PDGFD: variants seen among roughly 807,000 people sequenced by gnomAD.
The protein encoded by PDGFD is platelet derived growth factor D, also known as platelet-derived growth factor D.
In PDGFD, 30 loss-of-function variants were observed where a neutral mutation model predicts 44.7. That is an observed-to-expected ratio of 0.67 (90% confidence interval 0.50 to 0.91). PDGFD has a LOEUF of 0.91. PDGFD is among the 40% of genes least tolerant of loss of function. PDGFD has a pLI of 0.00. For synonymous variants in PDGFD, 173 were observed against 168.4 expected (o/e 1.03, Z -0.21); for missense variants, 445 against 457.8 (o/e 0.97, Z 0.25).
At chr11:104,040,567 T>C (rs1345998537) in intron 1 of PDGFD, among the ~76,000 whole-genome samples, 1 of 152,042 alleles carries the variant, frequency 6.6e-6, no homozygotes, top group African/African-American at 2.4e-5. Flanking sequence ...TCTACATCAA[T>C]CAGGCACTAT....
chr11:104,092,944 T>C (rs2134438433), intron 1 of PDGFD, among the ~76,000 whole-genome samples: 1 of 152,112 alleles, frequency 6.6e-6, no homozygotes, highest in East Asian at 1.9e-4. Flanking sequence ...AGGTCGAAGA[T>C]TTTCCTGTGA....
At chr11:103,930,778 T>C (rs898809780) in intron 5 of PDGFD, among the ~76,000 whole-genome samples, 5 of 152,216 alleles carry the variant, frequency 3.3e-5, no homozygotes, top group African/African-American at 1.2e-4. Flanking sequence ...CACTAACCTG[T>C]CATTTTCACA....
intron 1 of PDGFD, among the ~76,000 whole-genome samples, chr11:104,065,703 A>T (rs1417813361): frequency 6.6e-6 from 1 of 152,184 alleles, no homozygotes; most frequent in Non-Finnish European, 1.5e-5. Context: ...GTCATTTCTA[A>T]TGTTTGTGTA....
chr11:104,056,007 C>T (rs1307703902), intron 1 of PDGFD, among the ~76,000 whole-genome samples: 4 of 152,126 alleles, frequency 2.6e-5, no homozygotes, highest in African/African-American at 9.7e-5. Context: ...ATATTCACCC[C>T]TACCTCAAAG....
chr11:103,999,933 C>T lies in PDGFD; in HGVS notation c.329+118G>A, dbSNP rs1859595076. On this transcript the variant is annotated intron_variant, in intron 2 of 6. Transcript: ENST00000393158. ...GTCTTTAGGCTTTTTGAAAAAGAAG[C>T]GACACATGTTGGGTCCATTTAAAAG... The T allele has an allele frequency of 1.5e-5, 13 of 843,912 alleles. 1 individual carries two copies. The highest frequency in any genetic ancestry group is 7.7e-5 in the Admixed American group (3 of 38,946). 52.3% of individuals were successfully genotyped at this position (843,912 alleles called of 1,614,324 possible). A position where few individuals can be genotyped will look rare whatever the true frequency, so the allele number is the denominator to read the frequency against.
intron 3 of PDGFD, among the ~76,000 whole-genome samples, chr11:103,981,308 A>G (rs1326496119): frequency 4.6e-5 from 7 of 151,566 alleles, no homozygotes; most frequent in Non-Finnish European, 8.8e-5. Flanking sequence ...GACCCTCACC[A>G]TATACTGCCC....
rs757129550 is a variant in PDGFD at position 104,093,747 on chromosome 11, T to C, written c.124+70057A>G. On this transcript the variant is annotated intron_variant, in intron 1 of 6. Transcript: ENST00000393158. ...AACATCTCCAAAACACAGAATGTCA[T>C]GGGCTCCACCCACCTTCTCCTTCTC... 1.7e-3 allele frequency among the ~76,000 whole-genome samples: 255 copies of C among 151,872 alleles called. 2 individuals carry two copies. The highest frequency in any genetic ancestry group is 1.7e-3 in the South Asian group (8 of 4,792).
chr11:104,057,476 GATACTC>G (rs1277791988), intron 1 of PDGFD, among the ~76,000 whole-genome samples: 4 of 125,568 alleles, frequency 3.2e-5, no homozygotes, highest in African/African-American at 1.4e-4. Flanking sequence ...CTAAACACTG[GATACTC>G]ATGGACACAA....
chr11:103,927,833 G>A (rs1231108816), intron 5 of PDGFD, among the ~76,000 whole-genome samples: 2 of 152,212 alleles, frequency 1.3e-5, no homozygotes, highest in South Asian at 4.2e-4. Flanking sequence ...TTATTTAATG[G>A]CTCTGAACTT....
At position 103,907,473 on chromosome 11, in the gene PDGFD, T is replaced by C. The variant is rs1455542243; in HGVS notation, c.*2221A>G. ...ATGGCTATCAAATAGATTTATTGGC[T>C]ACATGTTAGAAGTGCAAAAGATAAC... On this transcript the variant is annotated 3_prime_UTR_variant, in exon 7 of 7. Transcript: ENST00000393158. 1 of 152,228 alleles carries C rather than the reference T, an allele frequency of 6.6e-6. No individual in the cohort carries two copies. The highest frequency in any genetic ancestry group is 6.5e-5 in the Admixed American group (1 of 15,282). 9.4% of individuals were successfully genotyped at this position (152,228 alleles called of 1,614,324 possible).
At chr11:104,094,293 A>T (rs1300658505) in intron 1 of PDGFD, among the ~76,000 whole-genome samples, 1 of 151,590 alleles carries the variant, frequency 6.6e-6, no homozygotes, top group Admixed American at 6.6e-5. Flanking sequence ...CTCTAACTCG[A>T]TCCTCAAAGT....
chr11:104,077,633 G>T lies in PDGFD; in HGVS notation c.125-77378C>A, dbSNP rs114244999. Among the ~76,000 whole-genome samples, 938 of 152,096 alleles carry T rather than the reference G, an allele frequency of 6.2e-3. 7 individuals carry two copies. The highest frequency in any genetic ancestry group is 0.021 in the African/African-American group (873 of 41,484). On this transcript the variant is annotated intron_variant, in intron 1 of 6. Transcript: ENST00000393158. ...ACAGAGGAAGAAAATTTTACTTCAG[G>T]TATGCAAAGTTGTGCAAAATATTGT...
chr11:103,947,709 C>A lies in PDGFD; in HGVS notation c.526G>T (p.Ala176Ser). 6.2e-7 allele frequency: 1 copy of A among 1,613,336 alleles called. No homozygotes were observed. Among genetic ancestry groups the A allele is most frequent in the Middle Eastern group, 1.7e-4 (1 of 6,058 alleles). Reference sequence around the variant, plus strand: ...TCCCAGTTGGTCTCTGAAGCTGCTGCGGGTTGGAAATCTTCCTGGAAGGCA... The same window carrying A: ...TCCCAGTTGGTCTCTGAAGCTGCTGAGGGTTGGAAATCTTCCTGGAAGGCA... ...YYSLLEDFQP[A>S]AASETNWESV... Residue 176 changes from alanine to serine, a missense_variant, in exon 4 of 7, where the codon GCA becomes TCA. By Grantham distance (99) the Ala-to-Ser change is moderately conservative. Coordinates refer to ENST00000393158, the MANE Select transcript of PDGFD (RefSeq NM_025208.5).
At chr11:104,005,320 C>CTA (rs1459646743) in intron 1 of PDGFD, among the ~76,000 whole-genome samples, 3 of 152,182 alleles carry the variant, frequency 2.0e-5, no homozygotes, top group Non-Finnish European at 4.4e-5. Context: ...AACCACTGTA[C>CTA]TATAGAAAGT....
intron 1 of PDGFD, among the ~76,000 whole-genome samples, chr11:104,162,399 T>C (rs571139613): frequency 3.9e-5 from 6 of 151,994 alleles, no homozygotes; most frequent in Admixed American, 2.0e-4. Flanking sequence ...GTGGAAACAT[T>C]AAAGAGTAAA....
intron 1 of PDGFD, 111 bp from the exon 2 acceptor site, chr11:104,000,366 C>T: frequency 3.1e-6 from 3 of 963,794 alleles, no homozygotes; most frequent in Non-Finnish European, 4.7e-6. Flanking sequence ...CTTTATTTTG[C>T]CTAAAAACAT....
intron 1 of PDGFD, among the ~76,000 whole-genome samples, chr11:104,055,320 T>G (rs1313062500): frequency 6.6e-6 from 1 of 152,246 alleles, no homozygotes. Context: ...CATTGTTGTA[T>G]GTTTGATACT....
chr11:103,951,408 T>G (rs190853277), intron 3 of PDGFD, among the ~76,000 whole-genome samples: 240 of 152,316 alleles, frequency 1.6e-3, no homozygotes, highest in Admixed American at 3.7e-3. Flanking sequence ...GCCTGTTAGC[T>G]CTTCCCCTAG....
chr11:104,132,202 T>G (rs1387773071), intron 1 of PDGFD, among the ~76,000 whole-genome samples: 1 of 152,086 alleles, frequency 6.6e-6, no homozygotes, highest in East Asian at 1.9e-4. Context: ...TCTCTTTAAG[T>G]TACCTCCTTA....
Sources: allele counts gnomAD v4.1 joint callset (sites outside exome capture counted in the v4.1 genomes callset), GRCh38; gene constraint gnomAD v4.1.1; transcripts MANE v1.5; gene names NCBI Gene and HGNC (gene_info 2026-07-23, HGNC 2026-07-21).